The following IL1RAPL2 variants were observed in gnomAD, a reference collection of about 807,000 sequenced individuals.
IL1RAPL2 encodes the protein interleukin 1 receptor accessory protein like 2, also known as X-linked interleukin-1 receptor accessory protein-like 2.
IL1RAPL2 carries 3 observed loss-of-function variants against 44.1 expected under a neutral mutation model. The observed-to-expected ratio is 0.07, with a 90% CI of 0.03 to 0.18. The LOEUF (loss-of-function observed/expected upper bound fraction) is 0.18, where lower values mean the gene tolerates loss of function less well. Ranked by LOEUF, IL1RAPL2 falls within the 10% of genes least tolerant of loss-of-function variation. The pLI is 1.00. For synonymous variants in IL1RAPL2, 181 were observed against 178.8 expected (o/e 1.01, Z -0.10); for missense variants, 391 against 496.4 (o/e 0.79, Z 2.02).
chrX:104,778,474 C>T (rs967002797), intron 2 of IL1RAPL2, among the ~76,000 whole-genome samples: 5 of 108,165 alleles, frequency 4.6e-5, no homozygotes, highest in Admixed American at 1.0e-4. Flanking sequence ...GCAGGAGGAT[C>T]GCTTGAGTCT....
chrX:105,102,169 T>C lies in IL1RAPL2; in HGVS notation c.83-93306T>C, dbSNP rs149541076. On this transcript the variant is annotated intron_variant, in intron 2 of 10. Transcript: ENST00000372582. Reference sequence around the variant, plus strand: ...GGGCCCAAGTTTCTGAGGAGTCAGGTGTTACAAGTCTGATTTCATGTCATC... The same window carrying C: ...GGGCCCAAGTTTCTGAGGAGTCAGGCGTTACAAGTCTGATTTCATGTCATC... Among the ~76,000 whole-genome samples, 403 of 111,384 alleles carry C rather than the reference T, an allele frequency of 3.6e-3. 5 individuals are homozygous for C. Among genetic ancestry groups the C allele is most frequent in the African/African-American group, 0.013 (387 of 30,637 alleles).
chrX:105,534,652 G>A (rs2036664852), intron 6 of IL1RAPL2, among the ~76,000 whole-genome samples: 2 of 112,012 alleles, frequency 1.8e-5, no homozygotes, highest in Admixed American at 1.9e-4. Flanking sequence ...TTGGCAAAGG[G>A]ATACATAGAT....
chrX:105,511,624 A>G (rs1453263706), intron 6 of IL1RAPL2, among the ~76,000 whole-genome samples: 3 of 111,674 alleles, frequency 2.7e-5, no homozygotes, highest in African/African-American at 9.8e-5. Flanking sequence ...AAAGAAGCTG[A>G]ATGGCCTTTA....
intron 2 of IL1RAPL2, among the ~76,000 whole-genome samples, chrX:104,753,373 C>T (rs1932293952): frequency 9.0e-6 from 1 of 110,703 alleles, no homozygotes; most frequent in South Asian, 3.8e-4. Flanking sequence ...TCAGCCATAT[C>T]CAGAGAAAGC....
chrX:104,768,270 A>G (rs1053115404), intron 2 of IL1RAPL2, among the ~76,000 whole-genome samples: 1 of 111,484 alleles, frequency 9.0e-6, no homozygotes, highest in Non-Finnish European at 1.9e-5. Context: ...TGAGAAAAGC[A>G]TGTGTGATTA....
intron 2 of IL1RAPL2, among the ~76,000 whole-genome samples, chrX:105,145,764 T>C (rs970858104): frequency 9.0e-6 from 1 of 111,261 alleles, no homozygotes; most frequent in South Asian, 3.8e-4. Context: ...TAAAACTATA[T>C]AGTACCTCTC....
intron 3 of IL1RAPL2, among the ~76,000 whole-genome samples, chrX:105,214,829 C>A (rs373694054): frequency 3.2e-4 from 36 of 111,980 alleles, no homozygotes; most frequent in African/African-American, 1.1e-3. Flanking sequence ...CACTCAAAAC[C>A]GCACAACTAC....
intron 2 of IL1RAPL2, among the ~76,000 whole-genome samples, chrX:104,863,385 C>G (rs1025206485): frequency 9.0e-6 from 1 of 111,685 alleles, no homozygotes; most frequent in Non-Finnish European, 1.9e-5. Flanking sequence ...TATTATAGTA[C>G]CCCAAGGTAT....
intron 2 of IL1RAPL2, among the ~76,000 whole-genome samples, chrX:104,845,961 G>A (rs763728287): frequency 3.5e-4 from 39 of 111,431 alleles, no homozygotes; most frequent in Admixed American, 3.1e-3. Flanking sequence ...CCATATTTGA[G>A]CAACAAGAGA....
At chrX:104,650,899 T>C in intron 1 of IL1RAPL2, among the ~76,000 whole-genome samples, 1 of 111,892 alleles carries the variant, frequency 8.9e-6, no homozygotes, top group East Asian at 2.8e-4. Flanking sequence ...ATTCAAATCC[T>C]TTTTCCATAA....
intron 2 of IL1RAPL2, among the ~76,000 whole-genome samples, chrX:104,915,535 G>A (rs1463807523): frequency 2.7e-5 from 3 of 110,702 alleles, no homozygotes; most frequent in Non-Finnish European, 5.7e-5. Flanking sequence ...TCACTCTGAT[G>A]GTAGTTTCTT....
At chrX:105,300,696 C>A in intron 5 of IL1RAPL2, among the ~76,000 whole-genome samples, 1 of 110,729 alleles carries the variant, frequency 9.0e-6, no homozygotes, top group Non-Finnish European at 1.9e-5. Context: ...TTTCTGAGCC[C>A]CGACATCCCC....
intron 2 of IL1RAPL2, among the ~76,000 whole-genome samples, chrX:105,011,938 C>T (rs762539822): frequency 9.9e-5 from 11 of 111,095 alleles, no homozygotes; most frequent in South Asian, 3.7e-4. Flanking sequence ...TAAGTAACTT[C>T]AGATGCCCCT....
chrX:105,015,159 GTT>G (rs770150200), intron 2 of IL1RAPL2, among the ~76,000 whole-genome samples: 242 of 105,613 alleles, frequency 2.3e-3, no homozygotes, highest in African/African-American at 7.0e-3. Flanking sequence ...TTTTGATGGG[GTT>G]TTTTTTTTCT....
chrX:105,383,650 T>C (rs772075883), intron 5 of IL1RAPL2, among the ~76,000 whole-genome samples: 33 of 112,275 alleles, frequency 2.9e-4, no homozygotes, highest in Admixed American at 9.5e-5. Flanking sequence ...CTAGATCATA[T>C]GGTAGCTCTA....
chrX:105,746,641 A>T (rs752349330), intron 8 of IL1RAPL2, among the ~76,000 whole-genome samples: 3 of 111,772 alleles, frequency 2.7e-5, no homozygotes, highest in Non-Finnish European at 5.6e-5. Flanking sequence ...CCCCAAAATC[A>T]CAAAGGTACT....
At chrX:105,068,509 T>C (rs1040963033) in intron 2 of IL1RAPL2, among the ~76,000 whole-genome samples, 3 of 111,969 alleles carry the variant, frequency 2.7e-5, no homozygotes, top group Non-Finnish European at 5.6e-5. Context: ...TGTTAAGAAC[T>C]ATTGTGACAG....
intron 2 of IL1RAPL2, among the ~76,000 whole-genome samples, chrX:105,009,457 G>A (rs1402303792): frequency 1.8e-5 from 2 of 108,495 alleles, no homozygotes; most frequent in Non-Finnish European, 3.8e-5. Flanking sequence ...TAGGGACATG[G>A]ATGAAGCTGG....
At chrX:105,251,309 G>T (rs1448198214) in intron 4 of IL1RAPL2, among the ~76,000 whole-genome samples, 1 of 109,714 alleles carries the variant, frequency 9.1e-6, no homozygotes, top group Non-Finnish European at 1.9e-5. Flanking sequence ...AAAAAAAATG[G>T]TTTCCCAAAA....
Sources: allele counts gnomAD v4.1 joint callset (sites outside exome capture counted in the v4.1 genomes callset), GRCh38; gene constraint gnomAD v4.1.1; transcripts MANE v1.5; gene names NCBI Gene and HGNC (gene_info 2026-07-23, HGNC 2026-07-21).